The following EYS variants were observed in gnomAD, a reference collection of about 807,000 sequenced individuals.
EYS encodes the protein protein eyes shut homolog.
Under a neutral mutation model 282.1 loss-of-function variants are expected in EYS, and 250 were observed. That is an observed-to-expected ratio of 0.89 (90% CI 0.80 to 0.98). The LOEUF (loss-of-function observed/expected upper bound fraction) is 0.98. EYS is among the 50% of genes least tolerant of loss of function. EYS has a pLI of 0.00. For synonymous variants in EYS, 1,355 were observed against 1,282.9 expected, an observed-to-expected ratio of 1.06 and a Z score of -1.20; for missense variants, 4,016 against 3,709.0, an observed-to-expected ratio of 1.08 and a Z score of -2.15.
intron 14 of EYS, among the ~76,000 whole-genome samples, chr6:64,985,200 C>A (rs1337710465): frequency 5.3e-5 from 8 of 151,508 alleles, no homozygotes; most frequent in Non-Finnish European, 1.2e-4. Flanking sequence ...AAAATATTTC[C>A]ACAAGCCTGC....
chr6:65,643,683 C>T (rs905371823), intron 1 of EYS, among the ~76,000 whole-genome samples: 6 of 152,144 alleles, frequency 3.9e-5, no homozygotes, highest in African/African-American at 7.2e-5. Flanking sequence ...CCACCTCACT[C>T]CCCTACTATC....
chr6:64,732,995 T>C (rs1772024538), intron 22 of EYS, among the ~76,000 whole-genome samples: 1 of 152,180 alleles, frequency 6.6e-6, no homozygotes, highest in Non-Finnish European at 1.5e-5. Context: ...ATGAATGGCA[T>C]ATCCCCTAAT....
chr6:64,910,427 G>C (rs1767955806), intron 16 of EYS, among the ~76,000 whole-genome samples: 1 of 152,004 alleles, frequency 6.6e-6, no homozygotes, highest in Admixed American at 6.6e-5. Context: ...CGTTATTACA[G>C]TATTCAGATC....
intron 18 of EYS, among the ~76,000 whole-genome samples, chr6:64,890,405 G>T (rs992322894): frequency 5.3e-5 from 8 of 152,018 alleles, no homozygotes; most frequent in East Asian, 1.9e-4. Flanking sequence ...TTTGCGGCTT[G>T]TGAGGCATCA....
chr6:65,182,535 A>AT (rs1298531417), intron 12 of EYS, among the ~76,000 whole-genome samples: 1 of 151,844 alleles, frequency 6.6e-6, no homozygotes, highest in East Asian at 2.0e-4. Flanking sequence ...CATTTTCATG[A>AT]TTTTTTAAAT....
chr6:63,931,153 C>A (rs569487945), intron 35 of EYS, among the ~76,000 whole-genome samples: 2 of 152,274 alleles, frequency 1.3e-5, no homozygotes, highest in South Asian at 4.1e-4. Context: ...AAAACAGTTG[C>A]TCTTCAGCCT....
chr6:64,305,340 C>T (rs1311346135), intron 30 of EYS, among the ~76,000 whole-genome samples: 4 of 120,030 alleles, frequency 3.3e-5, no homozygotes, highest in African/African-American at 1.3e-4. Context: ...CAATCCCCAA[C>T]AAAATCCCAG....
intron 30 of EYS, among the ~76,000 whole-genome samples, chr6:64,271,838 T>TTTTA (rs1470533125): frequency 3.0e-4 from 46 of 152,194 alleles, no homozygotes; most frequent in African/African-American, 1.1e-3. Context: ...TCTTATTTTA[T>TTTTA]TTTATTTATT....
intron 12 of EYS, among the ~76,000 whole-genome samples, chr6:65,293,553 T>C (rs899232668): frequency 1.3e-5 from 2 of 151,874 alleles, no homozygotes; most frequent in Non-Finnish European, 2.9e-5. Context: ...CTGTGTTTCA[T>C]GGTAGTTCAC....
At position 63,876,617 on chromosome 6, in the gene EYS, A is replaced by G. The variant is rs1197925910; in HGVS notation, c.7056-12259T>C. 3.9e-5 allele frequency among the ~76,000 whole-genome samples: 6 copies of G among 152,006 alleles called. No homozygotes were observed. The East Asian group carries it at 1.2e-3, about 29-fold the overall frequency. On this transcript the variant is annotated intron_variant, in intron 35 of 42. Coordinates refer to ENST00000503581, the MANE Select transcript of EYS (RefSeq NM_001142800.2). ...ATGGTGTGGGAGTCTAAGTCTCTTT[A>G]GGTGTCTAAGGGCTTGCTTTATGAA...
chr6:64,376,617 T>C (rs1418111704), intron 29 of EYS, among the ~76,000 whole-genome samples: 1 of 152,170 alleles, frequency 6.6e-6, no homozygotes, highest in Non-Finnish European at 1.5e-5. Flanking sequence ...GATAATCGCA[T>C]TCCTTTTCAT....
chr6:64,762,643 T>A (rs2149979656), intron 22 of EYS, among the ~76,000 whole-genome samples: 1 of 152,274 alleles, frequency 6.6e-6, no homozygotes, highest in East Asian at 1.9e-4. Flanking sequence ...ATTTATGATG[T>A]ATTTTTACAT....
At chr6:64,693,466 AG>A (rs1340970968) in intron 22 of EYS, among the ~76,000 whole-genome samples, 3 of 152,184 alleles carry the variant, frequency 2.0e-5, no homozygotes, top group African/African-American at 7.2e-5. Context: ...AACAGAATAG[AG>A]TTCAGAAATA....
At chr6:65,698,408 C>T (rs558621545) in intron 1 of EYS, among the ~76,000 whole-genome samples, 1 of 152,118 alleles carries the variant, frequency 6.6e-6, no homozygotes, top group Non-Finnish European at 1.5e-5. Context: ...ATAATTAATG[C>T]ATCGATTAAA....
chr6:64,297,933 G>A (rs1042429329), intron 30 of EYS, among the ~76,000 whole-genome samples: 6 of 144,346 alleles, frequency 4.2e-5, no homozygotes, highest in South Asian at 4.3e-4. Context: ...AGCCAAGATA[G>A]TGCCACTGCA....
chr6:65,609,111 G>A (rs906810071), intron 2 of EYS, among the ~76,000 whole-genome samples: 10 of 151,844 alleles, frequency 6.6e-5, no homozygotes, highest in African/African-American at 2.4e-4. Flanking sequence ...AATTATATTT[G>A]CTTATATTTT....
At chr6:65,498,852 A>G (rs1292813633) in intron 2 of EYS, among the ~76,000 whole-genome samples, 13 of 151,988 alleles carry the variant, frequency 8.6e-5, no homozygotes, top group Admixed American at 7.9e-4. Flanking sequence ...CATTCTTCAA[A>G]CCCTGTCAAA....
intron 26 of EYS, among the ~76,000 whole-genome samples, chr6:64,582,469 A>T (rs996116145): frequency 6.6e-6 from 1 of 152,028 alleles, no homozygotes; most frequent in Non-Finnish European, 1.5e-5. Context: ...AATTTTGGGG[A>T]CTGCTGATGT....
At chr6:65,054,418 T>C (rs529520850) in intron 13 of EYS, among the ~76,000 whole-genome samples, 1 of 152,188 alleles carries the variant, frequency 6.6e-6, no homozygotes, top group African/African-American at 2.4e-5. Flanking sequence ...AACTGTGAGA[T>C]ATTTTTATGA....
Sources: gnomAD v4.1 joint callset for allele counts (sites outside exome capture counted in the v4.1 genomes callset) on GRCh38, gnomAD v4.1.1 for gene constraint, MANE v1.5 for transcripts, NCBI Gene and HGNC (gene_info 2026-07-23, HGNC 2026-07-21) for gene names.